KNOP1: variants seen among roughly 807,000 people sequenced by gnomAD.
KNOP1 encodes lysine rich nucleolar protein 1, also known as lysine-rich nucleolar protein 1.
In KNOP1, 20 loss-of-function variants were observed where a neutral mutation model predicts 30.6. The ratio of observed to expected loss-of-function variants is 0.65; its 90% CI spans 0.46 to 0.95. The LOEUF (loss-of-function observed/expected upper bound fraction) is 0.95. KNOP1 is among the 40% of genes least tolerant of loss of function. The pLI, the probability that KNOP1 is intolerant of heterozygous loss-of-function variation, is 0.00. For missense variants in KNOP1, 540 were observed against 562.0 expected, an observed-to-expected ratio of 0.96 and a Z score of 0.40; for synonymous variants, 204 against 210.0, an observed-to-expected ratio of 0.97 and a Z score of 0.25.
intron 1 of KNOP1, 194 bp downstream of exon 1, chr16:19,717,964 C>G: frequency 8.0e-7 from 1 of 1,255,444 alleles, no homozygotes. Context: ...TACGTGGGGT[C>G]CCAGGGCCGG....
At chr16:19,709,590 C>T (rs1976600889) in intron 4 of KNOP1, among the ~76,000 whole-genome samples, 1 of 152,202 alleles carries the variant, frequency 6.6e-6, no homozygotes, top group South Asian at 2.1e-4. Flanking sequence ...GCCCTCTCGT[C>T]CCTCATTCCA....
intron 2 of KNOP1, chr16:19,711,708 C>T: frequency 2.1e-6 from 1 of 482,006 alleles, no homozygotes; most frequent in Admixed American, 3.3e-5. Flanking sequence ...CAAGGTTACC[C>T]CACGGCTCAG....
Position 19,714,451 on chromosome 16 carries a change from G to C in KNOP1, c.585C>G (p.Ala195=). 6.2e-7 allele frequency: 1 copy of C among 1,613,904 alleles called. No homozygotes were observed. Among genetic ancestry groups the C allele is most frequent in the Non-Finnish European group, 8.5e-7 (1 of 1,179,984 alleles). The change falls in exon 2 of 5, where the codon GCC becomes GCG. Residue 195 remains alanine, a synonymous_variant. Coordinates refer to ENST00000219837, the MANE Select transcript of KNOP1 (RefSeq NM_001012991.3). ...SVGKKDEEQA[A]LGQKRKRKSP... is the part of the protein sequence containing the mutation. ...TCTTCCGCTTCCGTTTCTGCCCCAAGGCTGCCTGTTCCTCATCCTTCTTCC... is the reference window on the plus strand; with the variant it reads ...TCTTCCGCTTCCGTTTCTGCCCCAACGCTGCCTGTTCCTCATCCTTCTTCC...
chr16:19,718,192 C>A lies in KNOP1; in HGVS notation c.-37G>T. 1 of 1,502,354 alleles carries A rather than the reference C, an allele frequency of 6.7e-7. No individual in the cohort carries two copies. The allele number at this position is 1,502,354 out of a possible 1,614,324, so 93.1% of individuals were successfully genotyped here. A position where few individuals can be genotyped will look rare whatever the true frequency, so the allele number is the denominator to read the frequency against. ...AAATTTCCCCGCCTCCACGTGAGAG[C>A]CAGCTCCGCCGTGACCCGGAAGTCC... On this transcript the variant is annotated 5_prime_UTR_variant, in exon 1 of 5. Transcript: ENST00000219837.
intron 4 of KNOP1, among the ~76,000 whole-genome samples, chr16:19,707,955 G>A (rs1427548403): frequency 7.2e-5 from 5 of 69,376 alleles, no homozygotes; most frequent in African/African-American, 1.2e-4. Flanking sequence ...CCTATACAGC[G>A]CACCTCCCCC....
intron 2 of KNOP1, among the ~76,000 whole-genome samples, chr16:19,713,515 T>G (rs958439104): frequency 6.6e-6 from 1 of 152,186 alleles, no homozygotes; most frequent in Non-Finnish European, 1.5e-5. Flanking sequence ...GTGGCTGAAC[T>G]GCTGGGATGA....
At chr16:19,717,538 TTC>T (rs776066165) in intron 1 of KNOP1, 1 of 985,410 alleles carries the variant, frequency 1.0e-6, no homozygotes, top group East Asian at 1.1e-4. Context: ...CTTAATCCCC[TTC>T]TCTCCCCATC....
At chr16:19,713,353 A>G (rs1214684826) in intron 2 of KNOP1, among the ~76,000 whole-genome samples, 5 of 152,136 alleles carry the variant, frequency 3.3e-5, no homozygotes, top group Non-Finnish European at 7.3e-5. Context: ...TTGGTCTCCC[A>G]AAGTGCTGGG....
intron 1 of KNOP1, chr16:19,717,875 C>T (rs1034391610): frequency 7.6e-6 from 8 of 1,057,464 alleles, no homozygotes; most frequent in Non-Finnish European, 8.0e-6. Flanking sequence ...CAGCAGGACG[C>T]GCGGGAGCCA....
rs779202142 is a variant in KNOP1 at position 19,714,380 on chromosome 16, T to A, written c.656A>T (p.His219Leu). ...NGKVKKKKKI[H>L]QEGDALPGHS... ...GCCTGGGAGGGCATCTCCCTCCTGGTGGATTTTTTTTTTCTTCTTCACCTT... is the reference window on the plus strand; with the variant it reads ...GCCTGGGAGGGCATCTCCCTCCTGGAGGATTTTTTTTTTCTTCTTCACCTT... The change falls in exon 2 of 5, where the codon CAC becomes CTC. Residue 219 changes from histidine (H) to leucine (L), a missense_variant. Coordinates refer to ENST00000219837, the MANE Select transcript of KNOP1 (RefSeq NM_001012991.3). 6.2e-7 allele frequency: 1 copy of A among 1,613,732 alleles called. No individual in the cohort carries two copies. Among genetic ancestry groups the A allele is most frequent in the African/African-American group, 1.3e-5 (1 of 74,886 alleles).
rs1009080739 is a variant in KNOP1 at position 19,711,283 on chromosome 16, G to C, written c.987+89C>G. ...GAGTCCCTGGTGCCCCTGAGACCAG[G>C]ATCACCTAGCCAGCCTGGCAGGCAG... On this transcript the variant is annotated intron_variant, in intron 3 of 4. Transcript: ENST00000219837. 1.6e-5 allele frequency: 21 copies of C among 1,352,844 alleles called. No individual in the cohort carries two copies. The Admixed American group carries it at 3.0e-4, about 20-fold the overall frequency. 83.8% of individuals were successfully genotyped at this position (1,352,844 alleles called of 1,614,324 possible).
At position 19,707,228 on chromosome 16, in the gene KNOP1, GGA is replaced by G. The variant is rs1567508810; in HGVS notation, c.1066-9_1066-8del. Reference sequence around the variant, plus strand: ...ACTGGCCAAACTGGGTTCCCTGTGAGGAGAGGAAAAAGGTGGCTATTTTCCTT... The same window carrying G: ...ACTGGCCAAACTGGGTTCCCTGTGAGGAGGAAAAAGGTGGCTATTTTCCTT... On this transcript the variant is annotated splice_region_variant and splice_polypyrimidine_tract_variant and intron_variant, in intron 4 of 4. Coordinates refer to ENST00000219837, the MANE Select transcript of KNOP1 (RefSeq NM_001012991.3). The G allele has an allele frequency of 6.2e-7, 1 of 1,606,998 alleles. No homozygotes were observed. Among genetic ancestry groups the G allele is most frequent in the Non-Finnish European group, 8.5e-7 (1 of 1,178,724 alleles).
At chr16:19,707,294 A>C in intron 4 of KNOP1, 73 bp from the exon 5 acceptor site, 4 of 1,269,162 alleles carry the variant, frequency 3.2e-6, no homozygotes, top group Non-Finnish European at 4.5e-6. Flanking sequence ...CCCCACCCTC[A>C]TCAGGGAGGG....
rs760920808 is a variant in KNOP1, at chr16:19,710,553, G to A, written c.1021C>T (p.Arg341Cys). 18 of 1,612,402 alleles carry A rather than the reference G, an allele frequency of 1.1e-5. No individual in the cohort carries two copies. The highest frequency in any genetic ancestry group is 1.3e-5 in the African/African-American group (1 of 74,968). ...RRKALQEEID[R>C]ESGKTEASET... ...GAAGCTTCCGTTTTGCCTGACTCGC[G>A]ATCGATCTCTTCTTGCAAGGCCTTT... The change falls in exon 4 of 5, where the codon CGC becomes TGC. Residue 341 changes from arginine to cysteine, a missense_variant. By Grantham distance (180) the Arg-to-Cys change is radical. Coordinates refer to ENST00000219837, the MANE Select transcript of KNOP1 (RefSeq NM_001012991.3).
At position 19,709,673 on chromosome 16, in the gene KNOP1, G is replaced by A. The variant is rs149873933; in HGVS notation, c.1065+836C>T. Among the ~76,000 whole-genome samples the A allele has an allele frequency of 9.9e-4, 150 of 151,912 alleles. No homozygotes were observed. In the East Asian group the frequency reaches 0.026, roughly 27 times the overall value. The stretch of plus-strand genomic sequence containing the variant: ...TTTCCTACCTTAGGGGTCTGCACCG[G>A]CCACTGGCCTCACTGAAACGCTCTT... On this transcript the variant is annotated intron_variant, in intron 4 of 4. Coordinates refer to ENST00000219837, the MANE Select transcript of KNOP1 (RefSeq NM_001012991.3).
chr16:19,710,860 C>A (rs1976676277), intron 3 of KNOP1, among the ~76,000 whole-genome samples: 2 of 139,130 alleles, frequency 1.4e-5, no homozygotes, highest in African/African-American at 5.4e-5. Context: ...TGCAGTGAGC[C>A]AAGATCACGC....
rs1339123712 is a variant in KNOP1 at position 19,708,579 on chromosome 16, C to T, written c.1066-1358G>A. On this transcript the variant is annotated intron_variant, in intron 4 of 4. Coordinates refer to ENST00000219837, the MANE Select transcript of KNOP1 (RefSeq NM_001012991.3). ...ATGGCACACCTCAAGCCCTCAGTGACTGGCCACTCCTCTCCCCCTACCCCA... is the reference window on the plus strand; with the variant it reads ...ATGGCACACCTCAAGCCCTCAGTGATTGGCCACTCCTCTCCCCCTACCCCA... Among the ~76,000 whole-genome samples, 4 of 152,144 alleles carry T rather than the reference C, an allele frequency of 2.6e-5. No homozygotes were observed. The East Asian group carries it at 7.7e-4, about 29-fold the overall frequency.
In KNOP1 at chr16:19,705,545, A is replaced by C. The variant is rs1359291940; in HGVS notation, c.*1365T>G. 3.6e-6 allele frequency: 1 copy of C among 278,144 alleles called. No individual in the cohort carries two copies. Among genetic ancestry groups the C allele is most frequent in the Non-Finnish European group, 7.1e-6 (1 of 141,388 alleles). The allele number at this position is 278,144 out of a possible 1,614,324, so 17.2% of individuals were successfully genotyped here. On this transcript the variant is annotated 3_prime_UTR_variant, in exon 5 of 5. Transcript: ENST00000219837. Reference sequence around the variant, plus strand: ...CATCTCCTCCTGGCATTCAATATCCACCTACAGAAGTCACCTGGGATTCTC... The same window carrying C: ...CATCTCCTCCTGGCATTCAATATCCCCCTACAGAAGTCACCTGGGATTCTC...
chr16:19,713,692 T>C lies in KNOP1; in HGVS notation c.918+426A>G, dbSNP rs181453146. Among the ~76,000 whole-genome samples the C allele has an allele frequency of 8.5e-4, 129 of 152,310 alleles. 1 individual carries two copies. The highest frequency in any genetic ancestry group is 3.0e-3 in the African/African-American group (125 of 41,568). On this transcript the variant is annotated intron_variant, in intron 2 of 4. Transcript: ENST00000219837. Reference sequence around the variant, plus strand: ...GATGTATAAATTGTGTATACTGAGCTGTGATGATACTCAGATAGCTACAGG... The same window carrying C: ...GATGTATAAATTGTGTATACTGAGCCGTGATGATACTCAGATAGCTACAGG...
Sources: allele counts gnomAD v4.1 joint callset (sites outside exome capture counted in the v4.1 genomes callset), GRCh38; gene constraint gnomAD v4.1.1; transcripts MANE v1.5; gene names NCBI Gene and HGNC (gene_info 2026-07-23, HGNC 2026-07-21).